The following PCDHGA1 variants were observed in gnomAD, a reference collection of about 807,000 sequenced individuals.
PCDHGA1 encodes the protein protocadherin gamma-A1.
A neutral mutation model predicts 58.0 loss-of-function variants in PCDHGA1; 32 were observed. The observed-to-expected ratio is 0.55, with a 90% CI of 0.42 to 0.74. The LOEUF is 0.74. Among genes scored for constraint, PCDHGA1 ranks in the 30% least tolerant of loss-of-function variants. PCDHGA1 has a pLI of 0.00. For missense variants in PCDHGA1, 1,205 were observed against 1,182.3 expected, an observed-to-expected ratio of 1.02 and a Z score of -0.28; for synonymous variants, 498 against 501.1, an observed-to-expected ratio of 0.99 and a Z score of 0.08.
intron 1 of PCDHGA1, chr5:141,441,206 C>T (rs750648706): frequency 3.3e-5 from 5 of 152,150 alleles, no homozygotes; most frequent in African/African-American, 4.8e-5. Context: ...GATTCTGCAC[C>T]TTGGACAGTA....
At chr5:141,383,879 G>A (rs1196711965) in intron 1 of PCDHGA1, 2 of 1,613,862 alleles carry the variant, frequency 1.2e-6, no homozygotes, top group Non-Finnish European at 1.7e-6. Flanking sequence ...GGTCCTGGTA[G>A]TCTGACAAAG....
chr5:141,360,389 T>C (rs1241447877), intron 1 of PCDHGA1: 1 of 1,613,908 alleles, frequency 6.2e-7, no homozygotes, highest in East Asian at 2.2e-5. Flanking sequence ...GGAGACTTAC[T>C]TGTGAGTGAC....
intron 1 of PCDHGA1, chr5:141,364,702 C>A: frequency 1.2e-6 from 2 of 1,613,920 alleles, no homozygotes; most frequent in Non-Finnish European, 1.7e-6. Flanking sequence ...TAGAAATAAT[C>A]GATATTAATG....
chr5:141,474,687 A>G (rs369586568), intron 1 of PCDHGA1, among the ~76,000 whole-genome samples: 35 of 152,302 alleles, frequency 2.3e-4, no homozygotes, highest in African/African-American at 7.7e-4. Flanking sequence ...CTACCCCTTC[A>G]CTTATGTTCA....
At chr5:141,357,491 G>A in intron 1 of PCDHGA1, 1 of 1,614,224 alleles carries the variant, frequency 6.2e-7, no homozygotes, top group African/African-American at 1.3e-5. Context: ...GCGGACTCGC[G>A]GAAGAGTCAC....
chr5:141,462,408 A>G (rs1240372917), intron 1 of PCDHGA1, among the ~76,000 whole-genome samples: 2 of 152,188 alleles, frequency 1.3e-5, no homozygotes, highest in Non-Finnish European at 2.9e-5. Context: ...ATGGCACAGA[A>G]TATGGTCTAT....
At chr5:141,418,171 G>A (rs2096234086) in intron 1 of PCDHGA1, 1 of 1,613,952 alleles carries the variant, frequency 6.2e-7, no homozygotes, top group African/African-American at 1.3e-5. Flanking sequence ...GATGTGAGTT[G>A]CAATTGGAAG....
intron 1 of PCDHGA1, chr5:141,478,446 G>A: frequency 6.2e-7 from 1 of 1,613,520 alleles, no homozygotes; most frequent in Non-Finnish European, 8.5e-7. Flanking sequence ...AAGAAACCTG[G>A]TGCAGCCAGT....
intron 1 of PCDHGA1, chr5:141,430,898 G>A: frequency 6.2e-7 from 1 of 1,605,834 alleles, no homozygotes; most frequent in East Asian, 2.2e-5. Flanking sequence ...TAGGGTGGGC[G>A]ACATCTCCAG....
Position 141,331,935 on chromosome 5 carries a change from G to A in PCDHGA1, c.1251G>A (p.Gly417=). The A allele has an allele frequency of 1.2e-6, 2 of 1,614,066 alleles. No homozygotes were observed. Among genetic ancestry groups the A allele is most frequent in the East Asian group, 2.2e-5 (1 of 44,884 alleles). ...ERTLDRELIS[G]YNITITAIDQ... is the part of the protein sequence containing the mutation. Reference sequence around the variant, plus strand: ...CACTGGACAGAGAACTTATCTCTGGGTACAACATCACAATAACAGCAATAG... The same window carrying A: ...CACTGGACAGAGAACTTATCTCTGGATACAACATCACAATAACAGCAATAG... Residue 417 remains glycine, a synonymous_variant, in exon 1 of 4, where the codon GGG becomes GGA. Coordinates refer to ENST00000517417, the MANE Select transcript of PCDHGA1 (RefSeq NM_018912.3).
chr5:141,332,719 G>T lies in PCDHGA1; in HGVS notation c.2035G>T (p.Glu679Ter). 3 of 1,613,944 alleles carry T rather than the reference G, an allele frequency of 1.9e-6. No individual in the cohort carries two copies. In the South Asian group the frequency reaches 3.3e-5, roughly 18 times the overall value. ...SDILADLGSL[E>*]PSAKPNDSDL... ...CATCCTGGCCGACCTGGGCAGCCTCGAGCCCTCCGCCAAACCCAACGATTC... is the reference window on the plus strand; with the variant it reads ...CATCCTGGCCGACCTGGGCAGCCTCTAGCCCTCCGCCAAACCCAACGATTC... Residue 679 changes from glutamate to a stop codon, truncating the protein, a stop_gained, in exon 1 of 4, where the codon GAG (glutamate) becomes TAG (stop). Coordinates refer to ENST00000517417, the MANE Select transcript of PCDHGA1 (RefSeq NM_018912.3). LOFTEE classifies it high-confidence loss of function. This position sits in a 1 kb window ranked among gnomAD's most constrained non-coding sequence, Gnocchi z 4.6.
At chr5:141,482,755 T>TGA (rs1554165462) in intron 1 of PCDHGA1, among the ~76,000 whole-genome samples, 1 of 143,580 alleles carries the variant, frequency 7.0e-6, no homozygotes, top group Admixed American at 6.9e-5. Context: ...GGGATTATGG[T>TGA]ATTTCATTAT....
rs955615446 is a variant in PCDHGA1 at position 141,420,343 on chromosome 5, ATTATT to A, written c.2422-74460_2422-74456del. Reference sequence around the variant, plus strand: ...TGCCAATATATTCCAATATAGTGGTATTATTTTAAGATTCTAGATAACTTCTTCAT... The same window carrying A: ...TGCCAATATATTCCAATATAGTGGTATTAAGATTCTAGATAACTTCTTCAT... On this transcript the variant is annotated intron_variant, in intron 1 of 3. Transcript: ENST00000517417. 8 of 1,394,426 alleles carry A rather than the reference ATTATT, an allele frequency of 5.7e-6. No homozygotes were observed. In the African/African-American group the frequency reaches 1.2e-4, roughly 20 times the overall value. 86.4% of individuals were successfully genotyped at this position (1,394,426 alleles called of 1,614,324 possible).
At chr5:141,403,746 C>T (rs773668506) in intron 1 of PCDHGA1, 1 of 1,613,904 alleles carries the variant, frequency 6.2e-7, no homozygotes, top group South Asian at 1.1e-5. Context: ...CTTACTGCAA[C>T]AGCCAGCGAC....
At chr5:141,492,063 C>T in intron 1 of PCDHGA1, 1 of 481,160 alleles carries the variant, frequency 2.1e-6, no homozygotes, top group African/African-American at 2.0e-5. Flanking sequence ...CAGCCAGCCT[C>T]CTAGGCGCCG....
At chr5:141,355,282 G>T in intron 1 of PCDHGA1, 1 of 1,613,774 alleles carries the variant, frequency 6.2e-7, no homozygotes, top group East Asian at 2.2e-5. Context: ...GGAAATCAGG[G>T]CCGAACAGAT....
chr5:141,336,770 A>C (rs1356285378), intron 1 of PCDHGA1, among the ~76,000 whole-genome samples: 1 of 152,222 alleles, frequency 6.6e-6, no homozygotes, highest in Non-Finnish European at 1.5e-5. Flanking sequence ...CAAGCAACAA[A>C]AGAAAAAAAT....
intron 1 of PCDHGA1, among the ~76,000 whole-genome samples, chr5:141,438,498 CAT>C (rs2097963931): frequency 6.7e-6 from 1 of 149,704 alleles, no homozygotes; most frequent in African/African-American, 2.5e-5. Context: ...AAAAAAGAAT[CAT>C]AGTGCAAAAC....
intron 1 of PCDHGA1, among the ~76,000 whole-genome samples, chr5:141,438,948 G>A (rs2154558298): frequency 6.6e-6 from 1 of 152,142 alleles, no homozygotes; most frequent in Middle Eastern, 3.4e-3. Context: ...TTATAGGCAT[G>A]AGCCACCGCA....
Sources: allele counts gnomAD v4.1 joint callset (sites outside exome capture counted in the v4.1 genomes callset), GRCh38; gene constraint gnomAD v4.1.1; non-coding constraint Gnocchi (gnomAD v3.1); transcripts MANE v1.5; gene names NCBI Gene and HGNC (gene_info 2026-07-23, HGNC 2026-07-21).